The following GLIS3 variants were observed in gnomAD, a reference collection of about 807,000 sequenced individuals.
The protein encoded by GLIS3 is GLIS family zinc finger 3, also known as zinc finger protein GLIS3.
A neutral mutation model predicts 78.6 loss-of-function variants in GLIS3; 53 were observed. That is an observed-to-expected ratio of 0.67 (90% CI 0.54 to 0.85). The LOEUF (loss-of-function observed/expected upper bound fraction) is 0.85, where lower values mean the gene tolerates loss of function less well. GLIS3 is among the 40% of genes least tolerant of loss of function. The pLI, the probability that GLIS3 is intolerant of heterozygous loss-of-function variation, is 0.00. For missense variants in GLIS3, 1,703 were observed against 1,231.1 expected (o/e 1.38, Z -5.74); for synonymous variants, 684 against 509.9 (o/e 1.34, Z -4.60).
rs73641407 is a variant in GLIS3 at position 4,297,895 on chromosome 9, G to C, written c.-99+1526C>G. Among the ~76,000 whole-genome samples the C allele has an allele frequency of 8.9e-3, 1,353 of 152,110 alleles. 20 individuals carry two copies. Among genetic ancestry groups the C allele is most frequent in the African/African-American group, 0.031 (1,291 of 41,492 alleles). On this transcript the variant is annotated intron_variant, in intron 1 of 10. Transcript: ENST00000381971. ...GGCGGCCCTTATCGGTTCCCTATAG[G>C]ACTGGCTTCGCTGCCGGGGTCGGAG...
chr9:4,217,004 G>C (rs1416128677), intron 2 of GLIS3, among the ~76,000 whole-genome samples: 1 of 152,198 alleles, frequency 6.6e-6, no homozygotes, highest in Non-Finnish European at 1.5e-5. Context: ...AAGGGATTCA[G>C]CTGCTACCAG....
intron 4 of GLIS3, among the ~76,000 whole-genome samples, chr9:4,307,399 C>G (rs549623603): frequency 6.6e-6 from 1 of 152,274 alleles, no homozygotes; most frequent in East Asian, 1.9e-4. Flanking sequence ...TCCTGTAGTT[C>G]CTCAAAGCCT....
chr9:3,851,137 C>T (rs941091345), intron 9 of GLIS3, among the ~76,000 whole-genome samples: 1 of 152,126 alleles, frequency 6.6e-6, no homozygotes, highest in Non-Finnish European at 1.5e-5. Context: ...TAGGAATTCT[C>T]GTGGCATGCT....
At chr9:4,344,456 C>T (rs77146877) in intron 2 of GLIS3, among the ~76,000 whole-genome samples, 2 of 152,288 alleles carry the variant, frequency 1.3e-5, no homozygotes, top group African/African-American at 2.4e-5. Flanking sequence ...CTTCTGACTT[C>T]GTTATCACGT....
chr9:4,006,304 CAA>C (rs71497513), intron 4 of GLIS3, among the ~76,000 whole-genome samples: 261 of 32,518 alleles, frequency 8.0e-3, no homozygotes, highest in African/African-American at 0.024. Context: ...TCATATGTCT[CAA>C]AAAAAAAAAA....
chr9:4,025,439 G>C (rs1211341939), intron 4 of GLIS3, among the ~76,000 whole-genome samples: 3 of 152,104 alleles, frequency 2.0e-5, no homozygotes, highest in Admixed American at 6.5e-5. Flanking sequence ...CCAGGCTGGA[G>C]TGGGGTGGCG....
intron 3 of GLIS3, among the ~76,000 whole-genome samples, chr9:4,309,776 G>T (rs1055126373): frequency 5.9e-5 from 9 of 151,714 alleles, no homozygotes; most frequent in Admixed American, 5.9e-4. Context: ...CATGACATCA[G>T]GAGATCATCA....
At chr9:4,257,642 C>T (rs7854248) in intron 2 of GLIS3, among the ~76,000 whole-genome samples, 58 of 151,476 alleles carry the variant, frequency 3.8e-4, no homozygotes, top group African/African-American at 1.3e-3. Flanking sequence ...GGCACAATCT[C>T]GGCTCACTGC....
At chr9:4,394,377 T>A in the GLIS3 span, among the ~76,000 whole-genome samples, 1 of 152,020 alleles carries the variant, frequency 6.6e-6, no homozygotes, top group African/African-American at 2.4e-5. Flanking sequence ...GCTCAAAGAT[T>A]ACAGGAGTAA....
At chr9:4,153,647 T>A (rs553512222) in intron 2 of GLIS3, among the ~76,000 whole-genome samples, 2 of 152,264 alleles carry the variant, frequency 1.3e-5, no homozygotes, top group African/African-American at 4.8e-5. Context: ...AATCATGACC[T>A]CAAATATATA....
At chr9:3,922,714 T>C (rs1332896777) in intron 6 of GLIS3, among the ~76,000 whole-genome samples, 2 of 151,898 alleles carry the variant, frequency 1.3e-5, no homozygotes, top group Admixed American at 6.6e-5. Flanking sequence ...CCAAAAACAC[T>C]TGTAAAGGTG....
chr9:4,220,768 A>C (rs1208854293), intron 2 of GLIS3, among the ~76,000 whole-genome samples: 4 of 152,096 alleles, frequency 2.6e-5, no homozygotes, highest in Non-Finnish European at 5.9e-5. Flanking sequence ...TAAAAAATAA[A>C]AGACTGAGGA....
At chr9:4,465,966 T>C in the GLIS3 span, among the ~76,000 whole-genome samples, 666 of 152,266 alleles carry the variant, frequency 4.4e-3, 6 homozygotes, top group African/African-American at 0.015. Flanking sequence ...ACTTTAAAAA[T>C]GTGGCCCACA....
At chr9:4,204,040 A>T (rs1819632660) in intron 2 of GLIS3, among the ~76,000 whole-genome samples, 1 of 152,234 alleles carries the variant, frequency 6.6e-6, no homozygotes, top group Admixed American at 6.5e-5. Context: ...CATCCTCAGC[A>T]TCACACAATA....
chr9:3,983,814 A>G (rs1819505725), intron 4 of GLIS3, among the ~76,000 whole-genome samples: 1 of 152,228 alleles, frequency 6.6e-6, no homozygotes, highest in Admixed American at 6.5e-5. Context: ...AAGGGCATTC[A>G]GTTTTCTAAG....
In GLIS3 at chr9:4,091,036, T is replaced by C. The variant is rs138146300; in HGVS notation, c.1710+26732A>G. Among the ~76,000 whole-genome samples the C allele has an allele frequency of 4.4e-3, 668 of 152,226 alleles. 2 individuals are homozygous for C. Among genetic ancestry groups the C allele is most frequent in the Middle Eastern group, 6.8e-3 (2 of 294 alleles). On this transcript the variant is annotated intron_variant, in intron 4 of 10. Coordinates refer to ENST00000381971, the MANE Select transcript of GLIS3 (RefSeq NM_001042413.2). ...AAGGGGGATGATGATATCCATTAAG[T>C]TGTTGCAAGTAAAGTTAGTATGTAT...
intron 2 of GLIS3, among the ~76,000 whole-genome samples, chr9:4,204,009 G>A (rs1324002697): frequency 1.3e-5 from 2 of 152,162 alleles, no homozygotes; most frequent in African/African-American, 2.4e-5. Flanking sequence ...GTATATGCTA[G>A]GTACCTGCGT....
In GLIS3 at chr9:3,824,791, C is replaced by CT. The variant is rs1475985376; in HGVS notation, c.*3480dup. Reference sequence around the variant, plus strand: ...GTGATTTATGGAAAACAGATTTCCACTTTTTTCCCCCAAAGTGCTTTATGT... The same window carrying CT: ...GTGATTTATGGAAAACAGATTTCCACTTTTTTTCCCCCAAAGTGCTTTATGT... On this transcript the variant is annotated 3_prime_UTR_variant, in exon 11 of 11. Coordinates refer to ENST00000381971, the MANE Select transcript of GLIS3 (RefSeq NM_001042413.2). 1 of 152,168 alleles carries CT rather than the reference C, an allele frequency of 6.6e-6. No homozygotes were observed. The highest frequency in any genetic ancestry group is 1.5e-5 in the Non-Finnish European group (1 of 67,978). The allele number at this position is 152,168 out of a possible 1,614,324, so 9.4% of individuals were successfully genotyped here.
intron 2 of GLIS3, among the ~76,000 whole-genome samples, chr9:4,335,197 C>T (rs1457721402): frequency 2.6e-5 from 4 of 152,204 alleles, no homozygotes; most frequent in East Asian, 3.9e-4. Flanking sequence ...CATGAGCCAC[C>T]GTACCTGGCC....
Sources: gnomAD v4.1 joint callset for allele counts (sites outside exome capture counted in the v4.1 genomes callset) on GRCh38, gnomAD v4.1.1 for gene constraint, MANE v1.5 for transcripts, NCBI Gene and HGNC (gene_info 2026-07-23, HGNC 2026-07-21) for gene names.